The following PTPRD variants were observed in gnomAD, a reference collection of about 807,000 sequenced individuals.
The protein encoded by PTPRD is receptor-type tyrosine-protein phosphatase delta.
A neutral mutation model predicts 214.5 loss-of-function variants in PTPRD; 34 were observed. The observed-to-expected ratio is 0.16, with a 90% CI of 0.12 to 0.21. The LOEUF is 0.21. Ranked by LOEUF, PTPRD falls within the 10% of genes least tolerant of loss-of-function variation. PTPRD has a pLI of 1.00. For missense variants in PTPRD, 2,545 were observed against 2,398.7 expected (o/e 1.06, Z -1.27); for synonymous variants, 1,128 against 845.7 (o/e 1.33, Z -5.79).
At chr9:9,226,689 T>A (rs138364880) in intron 9 of PTPRD, among the ~76,000 whole-genome samples, 1 of 152,252 alleles carries the variant, frequency 6.6e-6, no homozygotes, top group Non-Finnish European at 1.5e-5. Context: ...TCTTAGGAGA[T>A]AAGTACTTTG....
intron 11 of PTPRD, among the ~76,000 whole-genome samples, chr9:8,781,945 G>GCA (rs1363885917): frequency 3.3e-5 from 5 of 151,578 alleles, no homozygotes; most frequent in African/African-American, 9.7e-5. Context: ...TTAAAAGTAT[G>GCA]GTGTTAGCAG....
intron 3 of PTPRD, among the ~76,000 whole-genome samples, chr9:10,337,415 C>T (rs1452087857): frequency 6.6e-6 from 1 of 151,668 alleles, no homozygotes; most frequent in African/African-American, 2.4e-5. Context: ...ATATCTATCT[C>T]TCCACTTTTC....
At chr9:9,403,238 C>G (rs1178290725) in intron 8 of PTPRD, among the ~76,000 whole-genome samples, 1 of 118,122 alleles carries the variant, frequency 8.5e-6, no homozygotes, top group African/African-American at 3.3e-5. Context: ...TCTCAGTAAG[C>G]TGACATTGTG....
At chr9:9,363,210 G>A (rs989946632) in intron 9 of PTPRD, among the ~76,000 whole-genome samples, 4 of 149,644 alleles carry the variant, frequency 2.7e-5, no homozygotes, top group Admixed American at 6.7e-5. Context: ...TTCAAAATAG[G>A]GAATGATAAG....
intron 10 of PTPRD, among the ~76,000 whole-genome samples, chr9:9,097,528 C>T (rs2099785282): frequency 6.6e-6 from 1 of 152,024 alleles, no homozygotes; most frequent in Non-Finnish European, 1.5e-5. Flanking sequence ...CCTTCCTCAG[C>T]CTCCCAAGCA....
At chr9:9,267,315 T>A (rs1307078580) in intron 9 of PTPRD, among the ~76,000 whole-genome samples, 1 of 151,308 alleles carries the variant, frequency 6.6e-6, no homozygotes, top group Non-Finnish European at 1.5e-5. Context: ...TAAATGGATA[T>A]GTTCCTGGAA....
chr9:9,651,276 G>T (rs980767739), intron 7 of PTPRD, among the ~76,000 whole-genome samples: 1 of 152,106 alleles, frequency 6.6e-6, no homozygotes, highest in African/African-American at 2.4e-5. Context: ...GGATACAAGT[G>T]CAGATTTGTT....
intron 3 of PTPRD, among the ~76,000 whole-genome samples, chr9:10,034,481 A>C (rs2097142115): frequency 6.7e-6 from 1 of 149,068 alleles, no homozygotes; most frequent in Admixed American, 6.8e-5. Flanking sequence ...ACATAGGGAA[A>C]CGTGTCATAG....
chr9:10,266,318 ATTAT>A (rs2094055096), intron 3 of PTPRD, among the ~76,000 whole-genome samples: 1 of 152,206 alleles, frequency 6.6e-6, no homozygotes. Context: ...TATGTGTATT[ATTAT>A]TTAATACAAA....
chr9:9,758,533 G>T (rs979276515), intron 6 of PTPRD, among the ~76,000 whole-genome samples: 3 of 152,110 alleles, frequency 2.0e-5, no homozygotes, highest in Non-Finnish European at 2.9e-5. Context: ...GTGAGTTCCA[G>T]GTTCTCAGAA....
intron 11 of PTPRD, among the ~76,000 whole-genome samples, chr9:8,870,714 A>ACACACACACATG (rs2098282132): frequency 6.7e-6 from 1 of 149,978 alleles, no homozygotes; most frequent in Non-Finnish European, 1.5e-5. Flanking sequence ...ACACACACAC[A>ACACACACACATG]CACACACACA....
intron 11 of PTPRD, among the ~76,000 whole-genome samples, chr9:8,946,680 T>C (rs1381144903): frequency 6.6e-6 from 1 of 152,114 alleles, no homozygotes; most frequent in Non-Finnish European, 1.5e-5. Flanking sequence ...CTCTTTGTTT[T>C]CTTTTATCTT....
intron 11 of PTPRD, among the ~76,000 whole-genome samples, chr9:8,872,570 G>A (rs536373984): frequency 6.6e-6 from 1 of 152,264 alleles, no homozygotes; most frequent in East Asian, 1.9e-4. Context: ...AGAAAATTTT[G>A]GGCCAGGTAT....
chr9:9,540,608 G>A (rs1279237698), intron 8 of PTPRD, among the ~76,000 whole-genome samples: 1 of 151,870 alleles, frequency 6.6e-6, no homozygotes, highest in Non-Finnish European at 1.5e-5. Flanking sequence ...GGACTTGAAA[G>A]AGGAGACTTC....
rs2075639437 is a variant in PTPRD, at chr9:10,592,240, T to G, written c.-600+20158A>C. 1.3e-5 allele frequency among the ~76,000 whole-genome samples: 2 copies of G among 151,932 alleles called. 1 individual carries two copies. Among genetic ancestry groups the G allele is most frequent in the Admixed American group, 1.3e-4 (2 of 15,228 alleles). ...TAATGGAAAGGAGCTGTGAGCTAAG[T>G]GGGGAGATGTCCTAGAAGGTCCCAG... On this transcript the variant is annotated intron_variant, in intron 2 of 45. Transcript: ENST00000381196.
chr9:8,684,112 T>C (rs1404782131), intron 12 of PTPRD, among the ~76,000 whole-genome samples: 1 of 152,134 alleles, frequency 6.6e-6, no homozygotes, highest in Non-Finnish European at 1.5e-5. Flanking sequence ...TGCTGCGCCC[T>C]ATCTGAATTA....
At chr9:9,835,161 G>C (rs1276051337) in intron 5 of PTPRD, among the ~76,000 whole-genome samples, 2 of 152,058 alleles carry the variant, frequency 1.3e-5, no homozygotes, top group African/African-American at 2.4e-5. Context: ...CATAGTGTTA[G>C]TACAAAATAC....
intron 14 of PTPRD, among the ~76,000 whole-genome samples, chr9:8,537,526 T>C (rs530959156): frequency 1.3e-5 from 2 of 152,172 alleles, no homozygotes; most frequent in South Asian, 4.1e-4. Flanking sequence ...AGCTAAGCTT[T>C]TATTTCAGAG....
chr9:9,648,741 T>C (rs2096260460), intron 7 of PTPRD, among the ~76,000 whole-genome samples: 1 of 152,200 alleles, frequency 6.6e-6, no homozygotes, highest in East Asian at 1.9e-4. Flanking sequence ...GAGGTGCAAG[T>C]CTAAGATATA....
Sources: gnomAD v4.1 joint callset for allele counts (sites outside exome capture counted in the v4.1 genomes callset) on GRCh38, gnomAD v4.1.1 for gene constraint, MANE v1.5 for transcripts, NCBI Gene and HGNC (gene_info 2026-07-23, HGNC 2026-07-21) for gene names.